JAKMIP3: variants seen among roughly 807,000 people sequenced by gnomAD.
JAKMIP3 encodes the protein Janus kinase and microtubule interacting protein 3.
A neutral mutation model predicts 118.5 loss-of-function variants in JAKMIP3; 58 were observed. That is an observed-to-expected ratio of 0.49 (90% CI 0.40 to 0.61). JAKMIP3 has a LOEUF of 0.61. JAKMIP3 is among the 20% of genes least tolerant of loss of function. The pLI is 0.00. For synonymous variants in JAKMIP3, 486 were observed against 451.2 expected (o/e 1.08, Z -0.98); for missense variants, 950 against 1,109.0 (o/e 0.86, Z 2.04).
intron 21 of JAKMIP3, among the ~76,000 whole-genome samples, chr10:132,166,003 A>G (rs971834031): frequency 2.0e-5 from 3 of 152,156 alleles, no homozygotes; most frequent in African/African-American, 7.2e-5. Flanking sequence ...ATCTTAACCT[A>G]AGGATATTTG....
At position 132,180,768 on chromosome 10, in the gene JAKMIP3, T is replaced by TGTGTGTGC. The variant is rs1554963475; in HGVS notation, c.*1104-1588_*1104-1587insTGTGTGCG. On this transcript the variant is annotated intron_variant, in intron 23 of 23. Transcript: ENST00000684848. ...GTGCGCGCGCGTGTGTGCGTGTGTG[T>TGTGTGTGC]GCGTGTGTGTGTGTGCGCGTATGCA... Among the ~76,000 whole-genome samples, 23 of 32,506 alleles carry TGTGTGTGC rather than the reference T, an allele frequency of 7.1e-4. 3 individuals carry two copies. Among genetic ancestry groups the TGTGTGTGC allele is most frequent in the African/African-American group, 2.8e-3 (19 of 6,732 alleles). The allele number at this position is 32,506 out of a possible 152,430, so 21.3% of individuals were successfully genotyped here.
intron 2 of JAKMIP3, among the ~76,000 whole-genome samples, chr10:132,113,320 G>A (rs754472682): frequency 1.4e-4 from 21 of 152,226 alleles, no homozygotes; most frequent in South Asian, 2.1e-4. Context: ...CTCAGAAGCC[G>A]CTGGAAGCCT....
intron 1 of JAKMIP3, among the ~76,000 whole-genome samples, chr10:132,040,214 C>T (rs936270968): frequency 6.6e-6 from 1 of 152,158 alleles, no homozygotes; most frequent in Non-Finnish European, 1.5e-5. Context: ...GACATGGGAT[C>T]GGGCTCTCTC....
At chr10:132,181,187 G>GA (rs2061424417) in intron 23 of JAKMIP3, 1 of 152,284 alleles carries the variant, frequency 6.6e-6, no homozygotes. Flanking sequence ...GCAGCAGCTG[G>GA]CTCTGGAGAG....
In JAKMIP3 at chr10:132,180,532, T is replaced by TGC. The variant is rs200002789; in HGVS notation, c.*1104-1824_*1104-1823insCG. 6.3e-4 allele frequency among the ~76,000 whole-genome samples: 19 copies of TGC among 30,348 alleles called. 5 individuals carry two copies. The highest frequency in any genetic ancestry group is 3.5e-3 in the African/African-American group (19 of 5,458). The allele number at this position is 30,348 out of a possible 152,430, so 19.9% of individuals were successfully genotyped here. A position where few individuals can be genotyped will look rare whatever the true frequency, so the allele number is the denominator to read the frequency against. On this transcript the variant is annotated intron_variant, in intron 23 of 23. Coordinates refer to ENST00000684848, the MANE Select transcript of JAKMIP3 (RefSeq NM_001323087.2). ...AAACCTGGAAGCAGAACTGTGTGTGTGTGTGTGTGTGTGCGTGCGTGCATG... is the reference window on the plus strand; with the variant it reads ...AAACCTGGAAGCAGAACTGTGTGTGTGCGTGTGTGTGTGTGCGTGCGTGCATG...
chr10:132,163,087 C>A, intron 19 of JAKMIP3, 122 bp from the exon 20 acceptor site: 1 of 941,202 alleles, frequency 1.1e-6, no homozygotes. Flanking sequence ...CTGGGTCCCT[C>A]CCTGTTGCAT....
intron 8 of JAKMIP3, 49 bp from the exon 9 acceptor site, chr10:132,138,070 G>C (rs568437641): frequency 5.2e-6 from 8 of 1,551,518 alleles, no homozygotes; most frequent in South Asian, 2.3e-5. Flanking sequence ...GACTGAAACC[G>C]GTGGAGCTGC....
upstream of JAKMIP3, among the ~76,000 whole-genome samples, chr10:132,061,260 C>T (rs906846018): frequency 5.8e-5 from 8 of 138,544 alleles, no homozygotes; most frequent in African/African-American, 2.0e-4. Flanking sequence ...ACACACCTGC[C>T]GTGATGGCGC....
chr10:132,154,099 G>A (rs2056691006), intron 19 of JAKMIP3, 109 bp downstream of exon 19: 2 of 935,016 alleles, frequency 2.1e-6, no homozygotes, highest in South Asian at 1.5e-5. Context: ...CCAGGTCGCA[G>A]GGCCCCTAAT....
rs555767339 is a variant in JAKMIP3 at position 132,125,280 on chromosome 10, GC to G, written c.633+7707del. On this transcript the variant is annotated intron_variant, in intron 3 of 23. Coordinates refer to ENST00000684848, the MANE Select transcript of JAKMIP3 (RefSeq NM_001323087.2). ...GGGATGGATTGAGTTGGATATCCCT[GC>G]TTGCTGTGTGGATATCCAACTATTT... is the stretch of plus-strand genomic sequence containing the variant. 1.9e-3 allele frequency among the ~76,000 whole-genome samples: 285 copies of G among 152,370 alleles called. 1 individual carries two copies. The highest frequency in any genetic ancestry group is 6.7e-3 in the African/African-American group (277 of 41,586).
chr10:132,124,355 A>T (rs1024785942), intron 3 of JAKMIP3, among the ~76,000 whole-genome samples: 26 of 132,862 alleles, frequency 2.0e-4, no homozygotes, highest in African/African-American at 7.3e-4. Context: ...ACGTGATCAC[A>T]CGTCCCACCC....
chr10:132,184,803 A>C lies in JAKMIP3; in HGVS notation c.*3550A>C, dbSNP rs2061719688. On this transcript the variant is annotated 3_prime_UTR_variant, in exon 24 of 24. Transcript: ENST00000684848. ...TACAGTTTTAATAAAAAATGTTTTA[A>C]ATCTTAGACGATTAAAGTCCCCTCA... is the stretch of plus-strand genomic sequence containing the variant. 1 of 152,250 alleles carries C rather than the reference A, an allele frequency of 6.6e-6. No individual in the cohort carries two copies. Among genetic ancestry groups the C allele is most frequent in the Non-Finnish European group, 1.5e-5 (1 of 68,046 alleles). 9.4% of individuals were successfully genotyped at this position (152,250 alleles called of 1,614,324 possible).
intron 13 of JAKMIP3, among the ~76,000 whole-genome samples, chr10:132,146,142 C>A (rs1479782689): frequency 1.4e-5 from 2 of 139,282 alleles, no homozygotes; most frequent in Non-Finnish European, 3.2e-5. Flanking sequence ...CCCACCCCCA[C>A]CCCCACCCCC....
intron 22 of JAKMIP3, 50 bp from the exon 23 acceptor site, chr10:132,167,903 A>G (rs2059118163): frequency 1.6e-6 from 2 of 1,216,090 alleles, no homozygotes; most frequent in Non-Finnish European, 2.1e-6. Flanking sequence ...CCCTCACTCC[A>G]GCCAAGCGGA....
At chr10:132,069,948 C>A (rs145900586) in intron 1 of JAKMIP3, among the ~76,000 whole-genome samples, 86 of 152,282 alleles carry the variant, frequency 5.6e-4, no homozygotes, top group African/African-American at 2.0e-3. Flanking sequence ...TAGAGTGTGA[C>A]CCACATGGGG....
intron 1 of JAKMIP3, among the ~76,000 whole-genome samples, chr10:132,091,912 G>T (rs1347711949): frequency 6.6e-6 from 1 of 152,198 alleles, no homozygotes; most frequent in Admixed American, 6.5e-5. Flanking sequence ...GCTGGTACTG[G>T]TTGTTCCTTT....
intron 1 of JAKMIP3, among the ~76,000 whole-genome samples, chr10:132,084,574 G>A (rs1336591878): frequency 1.3e-5 from 2 of 152,062 alleles, no homozygotes; most frequent in Non-Finnish European, 2.9e-5. Flanking sequence ...CCAGTACTAT[G>A]TTGAGAAGTG....
chr10:132,132,053 CG>C (rs2050750832), intron 3 of JAKMIP3, among the ~76,000 whole-genome samples: 1 of 152,198 alleles, frequency 6.6e-6, no homozygotes, highest in Admixed American at 6.5e-5. Context: ...CTTATTTCAC[CG>C]GCCCCATTCC....
intron 11 of JAKMIP3, chr10:132,143,923 C>T (rs1252323772): frequency 6.6e-6 from 1 of 152,246 alleles, no homozygotes; most frequent in African/African-American, 2.4e-5. Flanking sequence ...CTCACATCCA[C>T]GATTGTGACC....
Sources: gnomAD v4.1 joint callset for allele counts (sites outside exome capture counted in the v4.1 genomes callset) on GRCh38, gnomAD v4.1.1 for gene constraint, MANE v1.5 for transcripts, NCBI Gene and HGNC (gene_info 2026-07-23, HGNC 2026-07-21) for gene names.